Variants in TGM6 observed in about 807,000 individuals in gnomAD.
The protein encoded by TGM6 is protein-glutamine gamma-glutamyltransferase 6.
In TGM6, 74 loss-of-function variants were observed where a neutral mutation model predicts 77.5. The ratio of observed to expected loss-of-function variants is 0.96; its 90% confidence interval spans 0.79 to 1.16. The LOEUF (loss-of-function observed/expected upper bound fraction) is 1.16. Ranked by LOEUF, TGM6 falls within the 50% of genes most tolerant of loss-of-function variation. The pLI is 0.00. For synonymous variants in TGM6, 383 were observed against 378.9 expected (o/e 1.01, Z -0.12); for missense variants, 968 against 940.2 (o/e 1.03, Z -0.39).
chr20:2,428,074 T>C (rs2084900213), intron 10 of TGM6, among the ~76,000 whole-genome samples: 1 of 152,248 alleles, frequency 6.6e-6, no homozygotes, highest in Non-Finnish European at 1.5e-5. Flanking sequence ...TCCAGTTTGA[T>C]TTCATTGTGT....
chr20:2,400,598 G>A (rs916448238), intron 7 of TGM6, among the ~76,000 whole-genome samples, 154 bp downstream of exon 7: 5 of 152,238 alleles, frequency 3.3e-5, no homozygotes, highest in South Asian at 2.1e-4. Context: ...GGCGCCCTGC[G>A]GATAGTGGTG....
In TGM6 at chr20:2,430,531, C is replaced by T; in HGVS notation, c.1764C>T (p.Cys588=). 2 of 1,614,164 alleles carry T rather than the reference C, an allele frequency of 1.2e-6. No individual in the cohort carries two copies. Among genetic ancestry groups the T allele is most frequent in the Non-Finnish European group, 1.7e-6 (2 of 1,180,024 alleles). The change falls in exon 11 of 13, where the codon TGC becomes TGT. Residue 588 remains cysteine (C), a synonymous_variant. Coordinates refer to ENST00000202625, the MANE Select transcript of TGM6 (RefSeq NM_198994.3). ...AGAAGATCCTGTTGGCTGCCATGTG[C>T]CTTGTCACCAAAGGAGAGAAGCTTC... ...EDKKILLAAM[C]LVTKGEKLLV...
At chr20:2,431,712 C>A (rs559635797) in intron 12 of TGM6, among the ~76,000 whole-genome samples, 32 of 152,288 alleles carry the variant, frequency 2.1e-4, no homozygotes, top group South Asian at 1.7e-3. Flanking sequence ...GAGGGTGGGG[C>A]CAGGAAGAAG....
intron 12 of TGM6, 111 bp from the exon 13 acceptor site, chr20:2,432,379 G>A: frequency 7.2e-7 from 1 of 1,396,110 alleles, no homozygotes; most frequent in Non-Finnish European, 1.0e-6. Flanking sequence ...TGAATGTCAA[G>A]CCACAAGGTG....
chr20:2,387,471 C>G (rs2084603982), intron 1 of TGM6, among the ~76,000 whole-genome samples: 5 of 152,340 alleles, frequency 3.3e-5, no homozygotes, highest in African/African-American at 1.2e-4. Context: ...AATCTTGGGA[C>G]ACATGTGTCA....
chr20:2,432,628 G>T lies in TGM6; in HGVS notation c.2106G>T (p.Val702=), dbSNP rs1465126170. The T allele has an allele frequency of 3.7e-6, 6 of 1,613,990 alleles. No individual in the cohort carries two copies. The East Asian group carries it at 1.3e-4, about 36-fold the overall frequency. ...TCAAGGGCTTTGTGATCGTCCATGT[G>T]GCCACTGCCAAGTGATGGATCATGA... ...PDIKGFVIVH[V]ATAK is the part of the protein sequence containing the mutation. The change falls in exon 13 of 13, where the codon GTG becomes GTT. Residue 702 remains valine, a synonymous_variant. Coordinates refer to ENST00000202625, the MANE Select transcript of TGM6 (RefSeq NM_198994.3).
chr20:2,396,220 G>GAAA (rs2084666059), intron 3 of TGM6, among the ~76,000 whole-genome samples: 1 of 151,776 alleles, frequency 6.6e-6, no homozygotes, highest in African/African-American at 2.4e-5. Context: ...AAAAAAAGAA[G>GAAA]GAAATATGAG....
intron 9 of TGM6, among the ~76,000 whole-genome samples, chr20:2,416,684 G>A (rs1048957988): frequency 3.3e-5 from 5 of 152,112 alleles, no homozygotes; most frequent in South Asian, 2.1e-4. Flanking sequence ...GTTTCCATTC[G>A]TCTATAATCT....
intron 10 of TGM6, among the ~76,000 whole-genome samples, chr20:2,421,587 G>C: frequency 6.6e-6 from 1 of 152,144 alleles, no homozygotes; most frequent in East Asian, 1.9e-4. Context: ...CTCTTCTTTG[G>C]TGAGGTGTCC....
intron 1 of TGM6, among the ~76,000 whole-genome samples, chr20:2,393,548 T>A (rs1298156739): frequency 6.6e-6 from 1 of 152,218 alleles, no homozygotes; most frequent in East Asian, 1.9e-4. Context: ...TTTGTTTGTT[T>A]TGAGAGGGAG....
chr20:2,401,423 T>G (rs2084708425), intron 7 of TGM6, among the ~76,000 whole-genome samples: 1 of 152,148 alleles, frequency 6.6e-6, no homozygotes, highest in Non-Finnish European at 1.5e-5. Flanking sequence ...CATACATACC[T>G]ACAGTGCCTC....
chr20:2,409,846 A>G (rs1171106387), intron 9 of TGM6, among the ~76,000 whole-genome samples: 2 of 152,232 alleles, frequency 1.3e-5, no homozygotes, highest in Non-Finnish European at 2.9e-5. Context: ...AAAATCAACA[A>G]AACCAGTTGA....
intron 6 of TGM6, among the ~76,000 whole-genome samples, chr20:2,399,973 C>T (rs1444153242): frequency 1.3e-5 from 2 of 152,126 alleles, no homozygotes; most frequent in Non-Finnish European, 2.9e-5. Flanking sequence ...GTGCCTTGGG[C>T]GAGCCCTGCG....
intron 5 of TGM6, among the ~76,000 whole-genome samples, chr20:2,398,762 T>C (rs545942548): frequency 1.2e-4 from 19 of 152,092 alleles, no homozygotes; most frequent in Non-Finnish European, 2.4e-4. Context: ...GTGGGAGGCA[T>C]GACAACTTTA....
rs145379165 is a variant in TGM6, at chr20:2,395,427, T to A, written c.415T>A (p.Trp139Arg). ...LGEFVLLFNP[W>R]CAEDDVFLAS... ...CGAGTTTGTTCTCCTTTTCAACCCA[T>A]GGTGTGCAGGTAGGAGTGGCCAAGT... The change falls in exon 3 of 13, where the codon TGG becomes AGG. Residue 139 changes from tryptophan (W) to arginine (R), a missense_variant. Coordinates refer to ENST00000202625, the MANE Select transcript of TGM6 (RefSeq NM_198994.3). 2.5e-6 allele frequency: 4 copies of A among 1,614,180 alleles called. No homozygotes were observed. The highest frequency in any genetic ancestry group is 3.4e-6 in the Non-Finnish European group (4 of 1,180,026).
intron 1 of TGM6, among the ~76,000 whole-genome samples, chr20:2,385,737 G>T (rs1200052790): frequency 1.3e-5 from 2 of 152,174 alleles, no homozygotes; most frequent in Admixed American, 1.3e-4. Flanking sequence ...TCGAGGGCGG[G>T]CCCAAGGACG....
At chr20:2,386,089 T>C (rs1038623292) in intron 1 of TGM6, among the ~76,000 whole-genome samples, 1 of 152,150 alleles carries the variant, frequency 6.6e-6, no homozygotes, top group African/African-American at 2.4e-5. Context: ...CACATCTATC[T>C]CCTCGCCTTG....
In TGM6 at chr20:2,423,400, C is replaced by T. The variant is rs561890441; in HGVS notation, c.1678+5827C>T. ...TCAAAATCTTTTGTTGCCATTTCAA[C>T]AACGTTTAGAGCATCTTCACCAGGA... is the stretch of plus-strand genomic sequence containing the variant. On this transcript the variant is annotated intron_variant, in intron 10 of 12. Coordinates refer to ENST00000202625, the MANE Select transcript of TGM6 (RefSeq NM_198994.3). 2.0e-5 allele frequency among the ~76,000 whole-genome samples: 3 copies of T among 152,224 alleles called. No individual in the cohort carries two copies. The South Asian group carries it at 6.2e-4, about 32-fold the overall frequency.
chr20:2,384,023 C>A (rs1376308887), intron 1 of TGM6, among the ~76,000 whole-genome samples: 1 of 149,318 alleles, frequency 6.7e-6, no homozygotes, highest in Non-Finnish European at 1.5e-5. Context: ...AGGAGAATGG[C>A]ATGAACCCGG....
Sources: gnomAD v4.1 joint callset for allele counts (sites outside exome capture counted in the v4.1 genomes callset) on GRCh38, gnomAD v4.1.1 for gene constraint, MANE v1.5 for transcripts, NCBI Gene and HGNC (gene_info 2026-07-23, HGNC 2026-07-21) for gene names.